VPS52: variants seen among roughly 807,000 people sequenced by gnomAD.
The protein encoded by VPS52 is vacuolar protein sorting-associated protein 52 homolog.
In VPS52, 56 loss-of-function variants were observed where a neutral mutation model predicts 98.7. The ratio of observed to expected loss-of-function variants is 0.57; its 90% CI spans 0.46 to 0.71. The LOEUF is 0.71. Ranked by LOEUF, VPS52 falls within the 30% of genes least tolerant of loss-of-function variation. VPS52 has a pLI of 0.00. For missense variants in VPS52, 742 were observed against 925.9 expected (o/e 0.80, Z 2.58); for synonymous variants, 348 against 346.4 (o/e 1.00, Z -0.05).
chr6:33,253,856 A>G (rs948041015), intron 17 of VPS52, among the ~76,000 whole-genome samples: 2 of 152,188 alleles, frequency 1.3e-5, no homozygotes, highest in African/African-American at 2.4e-5. Flanking sequence ...GGGGACACAG[A>G]AGGAGGATAA....
In VPS52 at chr6:33,264,841, G is replaced by A; in HGVS notation, c.1341C>T (p.Ile447=). 1.9e-6 allele frequency: 3 copies of A among 1,613,064 alleles called. No homozygotes were observed. The highest frequency in any genetic ancestry group is 2.5e-6 in the Non-Finnish European group (3 of 1,180,022). ...TGTTACGGAACCGGAGAACAATGTGGATACAGAGAAAAACAGCAATGGCAT... is the reference window on the plus strand; with the variant it reads ...TGTTACGGAACCGGAGAACAATGTGAATACAGAGAAAAACAGCAATGGCAT... ...CYDAIAVFLC[I]HIVLRFRNIA... Residue 447 remains isoleucine (I), a synonymous_variant, in exon 13 of 20, where the codon ATC becomes ATT. Coordinates refer to ENST00000445902, the MANE Select transcript of VPS52 (RefSeq NM_022553.6).
Position 33,250,758 on chromosome 6 carries a change from G to A in VPS52, c.*83C>T. 6.5e-7 allele frequency: 1 copy of A among 1,539,536 alleles called. No individual in the cohort carries two copies. Among genetic ancestry groups the A allele is most frequent in the African/African-American group, 1.4e-5 (1 of 72,718 alleles). On this transcript the variant is annotated 3_prime_UTR_variant, in exon 20 of 20. Transcript: ENST00000445902. ...GGAAGCAAGGGGAAAACTGGAAGGG[G>A]TACCCCAGGTGAAGAAGGGTATGGA... is the stretch of plus-strand genomic sequence containing the variant.
At chr6:33,265,533 A>G (rs1483604334) in intron 12 of VPS52, among the ~76,000 whole-genome samples, 1 of 152,064 alleles carries the variant, frequency 6.6e-6, no homozygotes, top group Non-Finnish European at 1.5e-5. Context: ...TGCCTGGTTA[A>G]GTTTATTTTT....
chr6:33,266,724 G>C lies in VPS52; in HGVS notation c.1126-12C>G, dbSNP rs780006110. ...GCCTCAAATGGATACTGGGAGAGGA[G>C]GAGTAAAGAAGAAAAACAGAAGGGA... On this transcript the variant is annotated splice_polypyrimidine_tract_variant and intron_variant, in intron 11 of 19. Coordinates refer to ENST00000445902, the MANE Select transcript of VPS52 (RefSeq NM_022553.6). 55 of 1,596,802 alleles carry C rather than the reference G, an allele frequency of 3.4e-5. No individual in the cohort carries two copies. The highest frequency in any genetic ancestry group is 4.4e-5 in the Non-Finnish European group (52 of 1,172,002).
intron 13 of VPS52, 111 bp downstream of exon 13, chr6:33,264,671 G>C: frequency 7.1e-7 from 1 of 1,402,958 alleles, no homozygotes; most frequent in Non-Finnish European, 1.0e-6. Flanking sequence ...CAAATGAATG[G>C]GAATAAAGGT....
Position 33,267,746 on chromosome 6 carries a change from A to C in VPS52, c.934-7T>G. ...TCTCAGCGACTTCCTCATACTAAGG[A>C]AAGAGAAAAGAGAACTGATAACCGT... is the stretch of plus-strand genomic sequence containing the variant. On this transcript the variant is annotated splice_polypyrimidine_tract_variant and splice_region_variant and intron_variant, in intron 9 of 19. Transcript: ENST00000445902. This position sits in a 1 kb window ranked among gnomAD's most constrained non-coding sequence, Gnocchi z 4.2. 2 of 1,612,992 alleles carry C rather than the reference A, an allele frequency of 1.2e-6. No individual in the cohort carries two copies. The highest frequency in any genetic ancestry group is 8.5e-7 in the Non-Finnish European group (1 of 1,180,022).
chr6:33,256,379 C>A (rs1324163844), intron 17 of VPS52, among the ~76,000 whole-genome samples: 1 of 144,092 alleles, frequency 6.9e-6, no homozygotes, highest in African/African-American at 2.6e-5. Context: ...ACAAGAGAAG[C>A]ACTTGAACCC....
In VPS52 at chr6:33,251,951, C is replaced by T. The variant is rs759985882; in HGVS notation, c.1815G>A (p.Leu605=). ...ARTQEFIEEL[L]SPPFGGLVAF... is the part of the protein sequence containing the mutation. ...CCACTAAACCCCCAAAAGGGGGAGA[C>T]AGCAACTCTTCAATGAATTCCTGGA... Residue 605 remains leucine (L), a synonymous_variant, in exon 18 of 20, where the codon CTG becomes CTA. Coordinates refer to ENST00000445902, the MANE Select transcript of VPS52 (RefSeq NM_022553.6). 4 of 1,613,166 alleles carry T rather than the reference C, an allele frequency of 2.5e-6. No homozygotes were observed. The highest frequency in any genetic ancestry group is 3.4e-6 in the Non-Finnish European group (4 of 1,180,038).
chr6:33,262,542 T>C (rs2150827954), intron 17 of VPS52, among the ~76,000 whole-genome samples: 1 of 152,230 alleles, frequency 6.6e-6, no homozygotes, highest in South Asian at 2.1e-4. Context: ...AGAAAGGAAA[T>C]CAGTACATTG....
rs901997680 is a variant in VPS52 at position 33,267,468 on chromosome 6, G to A, written c.992-147C>T. On this transcript the variant is annotated intron_variant, in intron 10 of 19. Transcript: ENST00000445902. This position sits in a 1 kb window ranked among gnomAD's most constrained non-coding sequence, Gnocchi z 4.2. ...CCCACGTGCTGACATCTGTGAATGG[G>A]CTTCAGGGTGTCTCTCCCTCCCTTG... 7.6e-6 allele frequency: 10 copies of A among 1,317,660 alleles called. No homozygotes were observed. The African/African-American group carries it at 1.0e-4, about 14-fold the overall frequency. 81.6% of individuals were successfully genotyped at this position (1,317,660 alleles called of 1,614,324 possible).
intron 17 of VPS52, among the ~76,000 whole-genome samples, chr6:33,253,227 T>G (rs895259192): frequency 6.6e-6 from 1 of 152,194 alleles, no homozygotes; most frequent in Non-Finnish European, 1.5e-5. Context: ...CAGTGGCTCA[T>G]GCCTGTAATC....
At chr6:33,259,822 G>A (rs1763428619) in intron 17 of VPS52, among the ~76,000 whole-genome samples, 1 of 151,854 alleles carries the variant, frequency 6.6e-6, no homozygotes, top group Non-Finnish European at 1.5e-5. Flanking sequence ...ACATGTTGGA[G>A]AAAATGTGGC....
In VPS52 at chr6:33,263,852, C is replaced by A. The variant is rs1763957292; in HGVS notation, c.1648G>T (p.Val550Leu). The A allele has an allele frequency of 2.5e-6, 4 of 1,614,084 alleles. No individual in the cohort carries two copies. In the African/African-American group the frequency reaches 5.3e-5, roughly 22 times the overall value. ...QVEVENFVLR[V>L]AAEFSSRKEQ... Reference sequence around the variant, plus strand: ...TTCCTTGAGGAGAACTCAGCTGCCACTCGGAGGACAAAATTCTCCACCTCC... The same window carrying A: ...TTCCTTGAGGAGAACTCAGCTGCCAATCGGAGGACAAAATTCTCCACCTCC... Residue 550 changes from valine (V) to leucine (L), a missense_variant, in exon 16 of 20, where the codon GTG becomes TTG. By Grantham distance (32) the Val-to-Leu change is conservative (BLOSUM62 1). This residue lies in a region of VPS52 where 590 missense variants were observed against 793.3 expected (regional missense o/e 0.74). Coordinates refer to ENST00000445902, the MANE Select transcript of VPS52 (RefSeq NM_022553.6).
At chr6:33,270,806 CCGGGCGCGGTGG>C (rs1192500836) in intron 1 of VPS52, among the ~76,000 whole-genome samples, 9 of 151,998 alleles carry the variant, frequency 5.9e-5, no homozygotes, top group Admixed American at 5.9e-4. Context: ...AAAAAATTAG[CCGGGCGCGGTGG>C]CGGGCGCCTG....
Position 33,255,725 on chromosome 6 carries a change from G to A in VPS52, c.1795-3754C>T, listed in dbSNP as rs1043642769. On this transcript the variant is annotated intron_variant, in intron 17 of 19. Transcript: ENST00000445902. Reference sequence around the variant, plus strand: ...GAAGAATGGCATGAACCCGGGAGGCGGAGCTTGCAGTGAGCTGAGATTGCA... The same window carrying A: ...GAAGAATGGCATGAACCCGGGAGGCAGAGCTTGCAGTGAGCTGAGATTGCA... 2.7e-5 allele frequency among the ~76,000 whole-genome samples: 4 copies of A among 150,928 alleles called. No homozygotes were observed. In the South Asian group the frequency reaches 6.3e-4, roughly 24 times the overall value.
Position 33,268,696 on chromosome 6 carries a change from A to G in VPS52, c.549-47T>C. 1.9e-6 allele frequency: 3 copies of G among 1,557,042 alleles called. No homozygotes were observed. Among genetic ancestry groups the G allele is most frequent in the Non-Finnish European group, 2.6e-6 (3 of 1,157,306 alleles). On this transcript the variant is annotated intron_variant, in intron 6 of 19. Coordinates refer to ENST00000445902, the MANE Select transcript of VPS52 (RefSeq NM_022553.6). This position sits in a 1 kb window ranked among gnomAD's most constrained non-coding sequence, Gnocchi z 4.0. ...GATGAGTTACAAGGGAGACCCAGAC[A>G]TCCCTAAACCAGACCCAGACCACAC...
Position 33,269,825 on chromosome 6 carries a change from A to C in VPS52, c.229-6T>G, listed in dbSNP as rs1055723797. 2 of 1,613,346 alleles carry C rather than the reference A, an allele frequency of 1.2e-6. No homozygotes were observed. Among genetic ancestry groups the C allele is most frequent in the Non-Finnish European group, 1.7e-6 (2 of 1,179,624 alleles). On this transcript the variant is annotated splice_polypyrimidine_tract_variant and splice_region_variant and intron_variant, in intron 3 of 19. Coordinates refer to ENST00000445902, the MANE Select transcript of VPS52 (RefSeq NM_022553.6). ...TAGTGACGGAGATCTACACCCTGGG[A>C]GAACATAAAGATGACAGGTCAGAAG... is the stretch of plus-strand genomic sequence containing the variant.
Position 33,256,463 on chromosome 6 carries a change from C to CAAAA in VPS52, c.1795-4496_1795-4493dup, listed in dbSNP as rs9280385. 5.6e-4 allele frequency among the ~76,000 whole-genome samples: 47 copies of CAAAA among 83,740 alleles called. 3 individuals carry two copies. Among genetic ancestry groups the CAAAA allele is most frequent in the Non-Finnish European group, 6.5e-4 (28 of 43,372 alleles). The allele number at this position is 83,740 out of a possible 152,430, so 54.9% of individuals were successfully genotyped here. On this transcript the variant is annotated intron_variant, in intron 17 of 19. Transcript: ENST00000445902. ...CTGAGTGACAGAGCAAAACCTGTCT[C>CAAAA]AAAAAAAAAAAAAAAAAAAAAAAAA...
chr6:33,266,413 G>A (rs961750777), intron 12 of VPS52, 144 bp downstream of exon 12: 4 of 1,082,016 alleles, frequency 3.7e-6, no homozygotes, highest in Admixed American at 2.5e-5. Context: ...GATTATGGGT[G>A]TGCACTACCA....
Sources: gnomAD v4.1 joint callset for allele counts (sites outside exome capture counted in the v4.1 genomes callset) on GRCh38, gnomAD v4.1.1 for gene constraint, gnomAD v4.1.1 regional missense constraint, Gnocchi (gnomAD v3.1) non-coding constraint, MANE v1.5 for transcripts, NCBI Gene and HGNC (gene_info 2026-07-23, HGNC 2026-07-21) for gene names.